Variants in CPEB3 observed in about 807,000 individuals in gnomAD.
CPEB3 encodes cytoplasmic polyadenylation element-binding protein 3.
In CPEB3, 20 loss-of-function variants were observed where a neutral mutation model predicts 67.2. That is an observed-to-expected ratio of 0.30 (90% confidence interval 0.21 to 0.43). CPEB3 has a LOEUF of 0.43. Among genes scored for constraint, CPEB3 ranks in the 20% least tolerant of loss-of-function variants. The pLI, the probability that CPEB3 is intolerant of heterozygous loss-of-function variation, is 1.00. For synonymous variants in CPEB3, 376 were observed against 393.1 expected, an observed-to-expected ratio of 0.96 and a Z score of 0.51; for missense variants, 746 against 968.6, an observed-to-expected ratio of 0.77 and a Z score of 3.05.
intron 4 of CPEB3, among the ~76,000 whole-genome samples, chr10:92,178,683 A>G (rs1447130306): frequency 6.6e-6 from 1 of 152,202 alleles, no homozygotes; most frequent in African/African-American, 2.4e-5. Flanking sequence ...TCTATAAAAT[A>G]TAAAAAATAC....
rs74149361 is a variant in CPEB3 at position 92,056,610 on chromosome 10, G to T, written c.1870-4171C>A. On this transcript the variant is annotated intron_variant, in intron 9 of 9. Coordinates refer to ENST00000265997, the MANE Select transcript of CPEB3 (RefSeq NM_014912.5). ...GTTCCCCCAAACCTCGCCACTGTGGGCTACAGTGCTCTGTGTCTTTAAATC... is the reference window on the plus strand; with the variant it reads ...GTTCCCCCAAACCTCGCCACTGTGGTCTACAGTGCTCTGTGTCTTTAAATC... 5.4e-3 allele frequency among the ~76,000 whole-genome samples: 824 copies of T among 152,276 alleles called. 9 individuals are homozygous for T. The highest frequency in any genetic ancestry group is 0.019 in the African/African-American group (785 of 41,556).
intron 1 of CPEB3, among the ~76,000 whole-genome samples, chr10:92,251,307 C>T (rs1054385898): frequency 6.6e-6 from 1 of 152,072 alleles, no homozygotes; most frequent in African/African-American, 2.4e-5. Flanking sequence ...GTACCTTCTT[C>T]CCTTTTCCTC....
intron 4 of CPEB3, among the ~76,000 whole-genome samples, chr10:92,162,193 A>G (rs919376769): frequency 1.3e-5 from 2 of 151,886 alleles, no homozygotes; most frequent in Admixed American, 6.6e-5. Flanking sequence ...ATATTAAGCA[A>G]TTTAGAGCCC....
At chr10:92,291,132 T>A (rs1031104795), upstream of CPEB3, 10 of 380,040 alleles carry the variant, frequency 2.6e-5, no homozygotes, top group Non-Finnish European at 2.9e-5. Flanking sequence ...CCGCCCTGCG[T>A]CGTAACCCTG....
At chr10:92,194,337 AG>A (rs952153298) in intron 2 of CPEB3, among the ~76,000 whole-genome samples, 2 of 151,654 alleles carry the variant, frequency 1.3e-5, no homozygotes, top group African/African-American at 4.8e-5. Context: ...CTACTCAGGA[AG>A]CTGAGGCAGC....
At chr10:92,187,461 T>C (rs1262926255) in intron 3 of CPEB3, among the ~76,000 whole-genome samples, 3 of 152,128 alleles carry the variant, frequency 2.0e-5, no homozygotes, top group South Asian at 2.1e-4. Flanking sequence ...AAGAGGGAAA[T>C]TGCATGGGAT....
At chr10:92,169,614 A>G (rs1217471580) in intron 4 of CPEB3, among the ~76,000 whole-genome samples, 2 of 152,204 alleles carry the variant, frequency 1.3e-5, no homozygotes, top group Non-Finnish European at 2.9e-5. Context: ...ACCTTCTTGG[A>G]TGTTGGCATT....
intron 1 of CPEB3, among the ~76,000 whole-genome samples, chr10:92,278,811 G>A (rs1241218419): frequency 1.1e-4 from 16 of 151,904 alleles, no homozygotes; most frequent in African/African-American, 3.9e-4. Context: ...ATGTTGGCCA[G>A]GATGGTCTCG....
At chr10:92,158,684 A>G (rs1032596753) in intron 4 of CPEB3, among the ~76,000 whole-genome samples, 3 of 152,220 alleles carry the variant, frequency 2.0e-5, no homozygotes, top group Non-Finnish European at 4.4e-5. Flanking sequence ...GGGGAATGTA[A>G]TATCTTTTTG....
At chr10:92,178,850 A>T (rs1441763678) in intron 4 of CPEB3, among the ~76,000 whole-genome samples, 1 of 152,154 alleles carries the variant, frequency 6.6e-6, no homozygotes, top group Non-Finnish European at 1.5e-5. Flanking sequence ...TCCCACAAGT[A>T]CCTACTATGG....
intron 6 of CPEB3, chr10:92,136,907 C>A: frequency 6.0e-6 from 1 of 167,194 alleles, no homozygotes. Context: ...TGAGATGGAG[C>A]CTGAAGGCAT....
intron 6 of CPEB3, chr10:92,118,591 G>T: frequency 2.8e-6 from 1 of 360,950 alleles, no homozygotes. Context: ...AAGACAAAAA[G>T]CCTAGGGAAC....
At chr10:92,282,580 G>A (rs971543525) in intron 1 of CPEB3, among the ~76,000 whole-genome samples, 2 of 152,056 alleles carry the variant, frequency 1.3e-5, no homozygotes, top group Admixed American at 1.3e-4. Flanking sequence ...CCCAAACTCA[G>A]GAGGCTGAAG....
intron 6 of CPEB3, among the ~76,000 whole-genome samples, chr10:92,129,598 T>C (rs1410175802): frequency 6.6e-6 from 1 of 152,148 alleles, no homozygotes. Flanking sequence ...TACTACTTCA[T>C]TATAATACCA....
intron 2 of CPEB3, among the ~76,000 whole-genome samples, chr10:92,198,168 A>T (rs932690151): frequency 3.3e-5 from 5 of 152,238 alleles, no homozygotes; most frequent in Non-Finnish European, 7.3e-5. Context: ...GCTCAAGGTT[A>T]TGGGGATGGT....
intron 9 of CPEB3, among the ~76,000 whole-genome samples, chr10:92,058,331 A>T (rs191837946): frequency 3.9e-5 from 6 of 152,254 alleles, no homozygotes; most frequent in African/African-American, 7.2e-5. Flanking sequence ...GGATCACCTG[A>T]GGTCAGGAGT....
intron 6 of CPEB3, among the ~76,000 whole-genome samples, chr10:92,116,249 C>A: frequency 8.1e-6 from 1 of 122,850 alleles, no homozygotes; most frequent in Non-Finnish European, 1.7e-5. Flanking sequence ...ACACACCTTC[C>A]AGTAAAAAAA....
At chr10:92,245,032 C>T (rs746887100) in intron 1 of CPEB3, among the ~76,000 whole-genome samples, 4 of 151,916 alleles carry the variant, frequency 2.6e-5, no homozygotes, top group South Asian at 4.1e-4. Context: ...CCTTCTTCAC[C>T]AATCAGAACT....
chr10:92,259,840 G>A (rs1382043118), intron 1 of CPEB3, among the ~76,000 whole-genome samples: 2 of 152,150 alleles, frequency 1.3e-5, no homozygotes, highest in Admixed American at 6.6e-5. Context: ...TTGATACAAT[G>A]CTAGGTACTT....
Sources: gnomAD v4.1 joint callset for allele counts (sites outside exome capture counted in the v4.1 genomes callset) on GRCh38, gnomAD v4.1.1 for gene constraint, MANE v1.5 for transcripts, NCBI Gene and HGNC (gene_info 2026-07-23, HGNC 2026-07-21) for gene names.